The following OPCML variants were observed in gnomAD, a reference collection of about 807,000 sequenced individuals.
OPCML encodes the protein opioid binding protein/cell adhesion molecule like.
OPCML carries 13 observed loss-of-function variants against 37.8 expected under a neutral mutation model. That is an observed-to-expected ratio of 0.34 (90% CI 0.22 to 0.55). The LOEUF (loss-of-function observed/expected upper bound fraction) is 0.55. Ranked by LOEUF, OPCML falls within the 20% of genes least tolerant of loss-of-function variation. OPCML has a pLI of 0.91. For missense variants in OPCML, 341 were observed against 435.6 expected, an observed-to-expected ratio of 0.78 and a Z score of 1.93; for synonymous variants, 176 against 168.8, an observed-to-expected ratio of 1.04 and a Z score of -0.33.
chr11:133,342,028 C>T (rs1184919578), intron 1 of OPCML, among the ~76,000 whole-genome samples: 1 of 152,080 alleles, frequency 6.6e-6, no homozygotes, highest in South Asian at 2.1e-4. Flanking sequence ...GAGGAGGACT[C>T]GACAGAAGTT....
chr11:133,085,052 C>T (rs1000302554), intron 1 of OPCML, among the ~76,000 whole-genome samples: 1 of 152,182 alleles, frequency 6.6e-6, no homozygotes, highest in African/African-American at 2.4e-5. Context: ...CTTCACTTTC[C>T]GTTTATGTAA....
At chr11:133,009,991 C>T (rs142632529) in intron 1 of OPCML, among the ~76,000 whole-genome samples, 102 of 152,312 alleles carry the variant, frequency 6.7e-4, no homozygotes, top group African/African-American at 2.4e-3. Context: ...ATTTGAGGAA[C>T]CCTTGAAAGT....
At chr11:133,438,177 C>T (rs892459403) in intron 1 of OPCML, among the ~76,000 whole-genome samples, 2 of 151,994 alleles carry the variant, frequency 1.3e-5, no homozygotes, top group East Asian at 1.9e-4. Flanking sequence ...CCAGAGAGAG[C>T]GGTGAGAAGT....
intron 1 of OPCML, among the ~76,000 whole-genome samples, chr11:133,500,570 C>T (rs1591571545): frequency 6.6e-6 from 1 of 152,218 alleles, no homozygotes; most frequent in South Asian, 2.1e-4. Context: ...TCCCTTCCCA[C>T]CACCTCCCCT....
chr11:132,903,102 A>G (rs2136507999), intron 2 of OPCML, among the ~76,000 whole-genome samples: 1 of 152,192 alleles, frequency 6.6e-6, no homozygotes, highest in East Asian at 1.9e-4. Context: ...AGCCTCAACT[A>G]TCTGGCCCTT....
At chr11:133,048,241 T>A (rs777112372) in intron 1 of OPCML, among the ~76,000 whole-genome samples, 2 of 152,188 alleles carry the variant, frequency 1.3e-5, no homozygotes, top group Non-Finnish European at 2.9e-5. Flanking sequence ...CCATGAGGGA[T>A]GTACTCTTAT....
intron 4 of OPCML, among the ~76,000 whole-genome samples, chr11:132,489,512 G>T (rs543352787): frequency 1.3e-5 from 2 of 152,180 alleles, no homozygotes; most frequent in Non-Finnish European, 2.9e-5. Flanking sequence ...CACACAACTG[G>T]CAGTGCAAAT....
At chr11:133,108,476 CT>C (rs1565451162) in intron 1 of OPCML, among the ~76,000 whole-genome samples, 1 of 152,174 alleles carries the variant, frequency 6.6e-6, no homozygotes, top group African/African-American at 2.4e-5. Flanking sequence ...GGAAATACCC[CT>C]GAAGTCTCCT....
intron 3 of OPCML, among the ~76,000 whole-genome samples, chr11:132,618,888 C>T (rs185315124): frequency 7.6e-4 from 116 of 151,916 alleles, no homozygotes; most frequent in African/African-American, 2.6e-3. Flanking sequence ...CCAATTGCCC[C>T]TGCAGCCAGA....
chr11:133,403,944 G>T (rs1335845393), intron 1 of OPCML, among the ~76,000 whole-genome samples: 1 of 152,208 alleles, frequency 6.6e-6, no homozygotes, highest in Non-Finnish European at 1.5e-5. Flanking sequence ...AACTTAGTCT[G>T]CAAATTACCA....
chr11:133,132,857 CAA>C lies in OPCML; in HGVS notation c.62-189849_62-189848del, dbSNP rs5795819. On this transcript the variant is annotated intron_variant, in intron 1 of 7. Coordinates refer to ENST00000524381, the MANE Select transcript of OPCML (RefSeq NM_001012393.5). ...ATTTTCCTGGGATCACAAAGGGAAG[CAA>C]AAAAAAAAAAAAACTTGGGGGACAA... 6.7e-3 allele frequency among the ~76,000 whole-genome samples: 919 copies of C among 137,772 alleles called. 4 individuals are homozygous for C. Among genetic ancestry groups the C allele is most frequent in the Middle Eastern group, 0.012 (3 of 254 alleles). The allele number at this position is 137,772 out of a possible 152,430, so 90.4% of individuals were successfully genotyped here.
intron 4 of OPCML, among the ~76,000 whole-genome samples, chr11:132,494,443 T>C (rs745707157): frequency 2.0e-5 from 3 of 152,176 alleles, no homozygotes; most frequent in Non-Finnish European, 4.4e-5. Flanking sequence ...TTTCTTCTAT[T>C]TTTGACAGGG....
At chr11:132,469,665 T>A (rs1303927313) in intron 4 of OPCML, among the ~76,000 whole-genome samples, 1 of 99,066 alleles carries the variant, frequency 1.0e-5, no homozygotes, top group African/African-American at 4.1e-5. Flanking sequence ...TGTGTGGGGG[T>A]GTATGTGTGT....
At chr11:132,514,258 G>A (rs1342531277) in intron 4 of OPCML, among the ~76,000 whole-genome samples, 1 of 152,108 alleles carries the variant, frequency 6.6e-6, no homozygotes, top group East Asian at 1.9e-4. Context: ...TTATGATATT[G>A]ACTTATAGTC....
At chr11:132,693,040 G>A (rs938821988) in intron 2 of OPCML, among the ~76,000 whole-genome samples, 1 of 152,170 alleles carries the variant, frequency 6.6e-6, no homozygotes, top group Admixed American at 6.5e-5. Context: ...AGGAGAACTT[G>A]GTATCATTGG....
intron 1 of OPCML, among the ~76,000 whole-genome samples, chr11:133,520,111 G>A (rs1341943151): frequency 6.6e-6 from 1 of 152,144 alleles, no homozygotes; most frequent in Admixed American, 6.5e-5. Flanking sequence ...AAGACTCAAT[G>A]TGTGGGTAAG....
intron 1 of OPCML, among the ~76,000 whole-genome samples, chr11:133,252,428 T>A (rs1941164859): frequency 6.6e-6 from 1 of 152,164 alleles, no homozygotes; most frequent in Admixed American, 6.5e-5. Context: ...ATTTTCAAAT[T>A]TCTGTTGCTT....
intron 1 of OPCML, among the ~76,000 whole-genome samples, chr11:133,252,871 G>C (rs1303191941): frequency 6.6e-6 from 1 of 152,190 alleles, no homozygotes; most frequent in Non-Finnish European, 1.5e-5. Context: ...TCTTCGGCCA[G>C]GTACGGTGGC....
intron 1 of OPCML, among the ~76,000 whole-genome samples, chr11:133,011,044 T>C (rs1184989632): frequency 1.3e-5 from 2 of 152,190 alleles, no homozygotes; most frequent in African/African-American, 4.8e-5. Context: ...CTGTTGCAAG[T>C]TGTATTCACA....
Sources: gnomAD v4.1 joint callset for allele counts (sites outside exome capture counted in the v4.1 genomes callset) on GRCh38, gnomAD v4.1.1 for gene constraint, MANE v1.5 for transcripts, NCBI Gene and HGNC (gene_info 2026-07-23, HGNC 2026-07-21) for gene names.